Variants in MASP1 observed in about 807,000 individuals in gnomAD.
MASP1 encodes the protein MBL associated serine protease 1, also known as mannan-binding lectin serine protease 1.
MASP1 carries 59 observed loss-of-function variants against 77.1 expected under a neutral mutation model. That is an observed-to-expected ratio of 0.77 (90% confidence interval 0.62 to 0.95). MASP1 has a LOEUF of 0.95. MASP1 is among the 40% of genes least tolerant of loss of function. The pLI, the probability that MASP1 is intolerant of heterozygous loss-of-function variation, is 0.00. For missense variants in MASP1, 885 were observed against 912.9 expected (o/e 0.97, Z 0.39); for synonymous variants, 362 against 354.5 (o/e 1.02, Z -0.24).
intron 2 of MASP1, among the ~76,000 whole-genome samples, chr3:187,273,566 C>T (rs181320976): frequency 2.0e-5 from 3 of 152,296 alleles, no homozygotes; most frequent in East Asian, 1.9e-4. Context: ...GCTCATTGTG[C>T]GAGCTCGGTA....
At chr3:187,243,713 T>C in intron 8 of MASP1, 92 bp from the exon 9 acceptor site, 1 of 1,455,898 alleles carries the variant, frequency 6.9e-7, no homozygotes, top group East Asian at 2.3e-5. Context: ...GTACAGGTTG[T>C]GCACTGCACA....
chr3:187,289,556 G>A (rs1190436660), intron 1 of MASP1, among the ~76,000 whole-genome samples: 1 of 152,178 alleles, frequency 6.6e-6, no homozygotes, highest in Admixed American at 6.5e-5. Flanking sequence ...AAAAACCCAT[G>A]GCTTTACGTA....
chr3:187,291,507 G>A, intron 1 of MASP1, 121 bp downstream of exon 1: 7 of 1,324,684 alleles, frequency 5.3e-6, no homozygotes, highest in Non-Finnish European at 7.6e-6. Context: ...TGATGAGAAA[G>A]CCCCTCACTA....
chr3:187,257,456 C>T (rs547797327), intron 4 of MASP1, among the ~76,000 whole-genome samples: 31 of 152,194 alleles, frequency 2.0e-4, no homozygotes, highest in Middle Eastern at 3.4e-3. Flanking sequence ...CTGCAACCTT[C>T]GCCTCCACCT....
intron 4 of MASP1, among the ~76,000 whole-genome samples, chr3:187,260,066 T>G (rs1009089919): frequency 6.6e-6 from 1 of 152,170 alleles, no homozygotes; most frequent in African/African-American, 2.4e-5. Context: ...ATTACATAAA[T>G]GTAATGGAAA....
At chr3:187,219,998 C>T in exon 16 of MASP1, 1 of 1,520,800 alleles carries the variant, frequency 6.6e-7, no homozygotes, top group Non-Finnish European at 9.1e-7. Flanking sequence ...GGAGAAATGG[C>T]TGCTTTCATC....
chr3:187,239,690 C>T (rs1713470487), intron 10 of MASP1, among the ~76,000 whole-genome samples: 2 of 152,198 alleles, frequency 1.3e-5, no homozygotes, highest in Non-Finnish European at 2.9e-5. Context: ...TGCCTGGAGT[C>T]CTTGGTTGTA....
rs1435255857 is a variant in MASP1, at chr3:187,235,570, C to T, written c.*114G>A. The T allele has an allele frequency of 5.1e-6, 8 of 1,566,354 alleles. No individual in the cohort carries two copies. In the East Asian group the frequency reaches 1.4e-4, roughly 28 times the overall value. ...GGGGCTGTCTCGGTAGGAGAAGCCA[C>T]CGCTAGGTCAGTGTGTTCCATTCCA... On this transcript the variant is annotated 3_prime_UTR_variant, in exon 11 of 11. Transcript: ENST00000296280.
In MASP1 at chr3:187,234,980, G is replaced by A. The variant is rs765233396; in HGVS notation, c.*704C>T. On this transcript the variant is annotated 3_prime_UTR_variant, in exon 11 of 11. Transcript: ENST00000296280. ...TTTAAGGGCTTGGTGGGCCTCCCAC[G>A]GCTATTCTGCTCCCAGCAGTCAGCA... The A allele has an allele frequency of 3.4e-5, 44 of 1,287,208 alleles. No homozygotes were observed. In the East Asian group the frequency reaches 5.0e-4, roughly 15 times the overall value. The allele number at this position is 1,287,208 out of a possible 1,614,324, so 79.7% of individuals were successfully genotyped here.
At chr3:187,272,846 C>T (rs1380107482) in intron 2 of MASP1, among the ~76,000 whole-genome samples, 1 of 152,172 alleles carries the variant, frequency 6.6e-6, no homozygotes, top group Non-Finnish European at 1.5e-5. Flanking sequence ...AAACAGCCAC[C>T]TAGTTTGTGG....
At chr3:187,220,181 C>T (rs553956885) in exon 16 of MASP1, 2 of 1,614,180 alleles carry the variant, frequency 1.2e-6, no homozygotes, top group South Asian at 2.2e-5. Context: ...GACACAGTGC[C>T]CACCAGGTAC....
At chr3:187,274,546 G>A (rs1221022914) in intron 2 of MASP1, among the ~76,000 whole-genome samples, 2 of 152,230 alleles carry the variant, frequency 1.3e-5, no homozygotes, top group East Asian at 3.8e-4. Flanking sequence ...ACCTGGCGGA[G>A]GAACAGACTT....
At chr3:187,232,554 T>C (rs1018833525), downstream of MASP1, among the ~76,000 whole-genome samples, 11 of 152,176 alleles carry the variant, frequency 7.2e-5, no homozygotes, top group Non-Finnish European at 1.6e-4. Context: ...TGTCTGCTAA[T>C]GTCTGAATCA....
At chr3:187,226,619 A>C in intron 11 of MASP1, 1 of 795,410 alleles carries the variant, frequency 1.3e-6, no homozygotes. Flanking sequence ...AGGACCCCTC[A>C]AGACCTTGAA....
Position 187,234,223 on chromosome 3 carries a change from G to A in MASP1, c.*1461C>T. 2 of 1,287,250 alleles carry A rather than the reference G, an allele frequency of 1.6e-6. No individual in the cohort carries two copies. Among genetic ancestry groups the A allele is most frequent in the Non-Finnish European group, 2.0e-6 (2 of 988,698 alleles). The allele number at this position is 1,287,250 out of a possible 1,614,324, so 79.7% of individuals were successfully genotyped here. ...TTTACATGTGCCATTCATAGACAAA[G>A]GAGTGTGTTTGATGAGCCGGTTGAG... On this transcript the variant is annotated 3_prime_UTR_variant, in exon 11 of 11. Transcript: ENST00000296280.
chr3:187,234,731 C>G lies in MASP1; in HGVS notation c.*953G>C. The G allele has an allele frequency of 3.1e-6, 4 of 1,287,264 alleles. No homozygotes were observed. In the South Asian group the frequency reaches 4.9e-5, roughly 16 times the overall value. 79.7% of individuals were successfully genotyped at this position (1,287,264 alleles called of 1,614,324 possible). On this transcript the variant is annotated 3_prime_UTR_variant, in exon 11 of 11. Coordinates refer to ENST00000296280, the MANE Select transcript of MASP1 (RefSeq NM_139125.4). ...CCCCACTCTTTCTTCCATTTTCCTG[C>G]CCAAAAGCACAGCAGGACACAGTGT...
intron 12 of MASP1, among the ~76,000 whole-genome samples, chr3:187,225,838 G>A (rs1163169611): frequency 1.3e-5 from 2 of 152,188 alleles, no homozygotes; most frequent in Non-Finnish European, 2.9e-5. Flanking sequence ...AGACTCTTGG[G>A]TTAGAAGTCT....
intron 2 of MASP1, among the ~76,000 whole-genome samples, chr3:187,266,527 TG>T (rs1382122103): frequency 4.6e-5 from 7 of 152,128 alleles, no homozygotes; most frequent in Admixed American, 2.6e-4. Context: ...GAATAATCTT[TG>T]AGCTGGAGAC....
At chr3:187,288,630 C>T (rs1288950555) in intron 1 of MASP1, among the ~76,000 whole-genome samples, 1 of 152,172 alleles carries the variant, frequency 6.6e-6, no homozygotes, top group African/African-American at 2.4e-5. Flanking sequence ...TGCCAGTTCC[C>T]AAAAAGCAAG....
Sources: allele counts gnomAD v4.1 joint callset (sites outside exome capture counted in the v4.1 genomes callset), GRCh38; gene constraint gnomAD v4.1.1; transcripts MANE v1.5; gene names NCBI Gene and HGNC (gene_info 2026-07-23, HGNC 2026-07-21).